Variants in PPM1E observed in about 807,000 individuals in gnomAD.
The protein encoded by PPM1E is protein phosphatase 1E.
Under a neutral mutation model 65.9 loss-of-function variants are expected in PPM1E, and 20 were observed. That is an observed-to-expected ratio of 0.30 (90% CI 0.21 to 0.44). The LOEUF (loss-of-function observed/expected upper bound fraction) is 0.44. PPM1E is among the 20% of genes least tolerant of loss of function. The probability of loss-of-function intolerance (pLI) is 1.00; values close to 1 mark genes in which losing one functional copy is unlikely to be tolerated. For synonymous variants in PPM1E, 352 were observed against 374.9 expected (o/e 0.94, Z 0.70); for missense variants, 713 against 953.1 (o/e 0.75, Z 3.32).
chr17:58,950,888 C>T (rs1049465967), intron 1 of PPM1E, among the ~76,000 whole-genome samples: 15 of 151,294 alleles, frequency 9.9e-5, no homozygotes, highest in Non-Finnish European at 1.9e-4. Context: ...ACGCCATTCT[C>T]CTGCCTCAGC....
chr17:58,940,501 T>G (rs1343770384), intron 1 of PPM1E, among the ~76,000 whole-genome samples: 1 of 152,152 alleles, frequency 6.6e-6, no homozygotes, highest in Non-Finnish European at 1.5e-5. Context: ...TGACAAAAGG[T>G]AAAAAAATTA....
intron 3 of PPM1E, chr17:58,966,506 G>A (rs1170565873): frequency 5.4e-6 from 1 of 185,994 alleles, no homozygotes; most frequent in Non-Finnish European, 1.1e-5. Flanking sequence ...TGTTGCTGAA[G>A]CAACACAAAC....
intron 1 of PPM1E, among the ~76,000 whole-genome samples, chr17:58,770,857 TTTC>T (rs1260337281): frequency 3.3e-5 from 5 of 151,486 alleles, no homozygotes; most frequent in African/African-American, 1.2e-4. Flanking sequence ...TACTGTAACT[TTTC>T]TTTTTTTTTT....
chr17:58,828,765 A>G (rs1390024826), intron 1 of PPM1E, among the ~76,000 whole-genome samples: 1 of 151,766 alleles, frequency 6.6e-6, no homozygotes, highest in African/African-American at 2.4e-5. Flanking sequence ...TGCCTGGCCT[A>G]TTTTTAGTTC....
At chr17:58,967,784 C>T (rs1294506146) in intron 3 of PPM1E, among the ~76,000 whole-genome samples, 1 of 150,268 alleles carries the variant, frequency 6.7e-6, no homozygotes, top group Non-Finnish European at 1.5e-5. Context: ...GAAATTCTAC[C>T]TGTCAGCATT....
intron 1 of PPM1E, among the ~76,000 whole-genome samples, chr17:58,887,183 G>C (rs867430177): frequency 0.07 from 1,314 of 18,820 alleles, 25 homozygotes; most frequent in African/African-American, 0.22. Context: ...TTTTTTTTTT[G>C]AGATGTAGTC....
chr17:58,979,752 T>C (rs16943331), intron 6 of PPM1E, among the ~76,000 whole-genome samples: 6,163 of 152,286 alleles, frequency 0.04, 255 homozygotes, highest in African/African-American at 0.1. Context: ...TAAGGACTTA[T>C]GCCCAGTAAC....
At chr17:58,941,496 C>T (rs540649641) in intron 1 of PPM1E, among the ~76,000 whole-genome samples, 1 of 150,848 alleles carries the variant, frequency 6.6e-6, no homozygotes, top group African/African-American at 2.4e-5. Context: ...AGATCGAGAC[C>T]ATCCTGGCCA....
At chr17:58,876,842 G>A (rs1276544527) in intron 1 of PPM1E, among the ~76,000 whole-genome samples, 1 of 152,006 alleles carries the variant, frequency 6.6e-6, no homozygotes, top group Non-Finnish European at 1.5e-5. Flanking sequence ...GGAGTGCAGT[G>A]GCGCGATCTC....
In PPM1E at chr17:58,967,169, T is replaced by C. The variant is rs182604700; in HGVS notation, c.783+1276T>C. Among the ~76,000 whole-genome samples the C allele has an allele frequency of 6.6e-5, 10 of 152,324 alleles. No individual in the cohort carries two copies. The East Asian group carries it at 1.7e-3, about 26-fold the overall frequency. ...TTTAAGAGCAATATGGCAACACATA[T>C]GTAGAACCTAATAAATTTTCACACT... is the stretch of plus-strand genomic sequence containing the variant. On this transcript the variant is annotated intron_variant, in intron 3 of 6. Coordinates refer to ENST00000308249, the MANE Select transcript of PPM1E (RefSeq NM_014906.5).
At chr17:58,905,713 A>G (rs971537348) in intron 1 of PPM1E, among the ~76,000 whole-genome samples, 1 of 152,110 alleles carries the variant, frequency 6.6e-6, no homozygotes, top group African/African-American at 2.4e-5. Flanking sequence ...AAGTAATGGT[A>G]GTCTCATAGA....
At chr17:58,887,145 A>G (rs902450479) in intron 1 of PPM1E, among the ~76,000 whole-genome samples, 1 of 150,508 alleles carries the variant, frequency 6.6e-6, no homozygotes, top group Non-Finnish European at 1.5e-5. Context: ...CTCATACCTC[A>G]TAAGTGAGGC....
At chr17:58,770,301 T>C (rs2049924296) in intron 1 of PPM1E, among the ~76,000 whole-genome samples, 1 of 152,138 alleles carries the variant, frequency 6.6e-6, no homozygotes, top group Admixed American at 6.6e-5. Flanking sequence ...AAAACTATCC[T>C]TGACTATCAA....
intron 1 of PPM1E, among the ~76,000 whole-genome samples, chr17:58,937,003 A>G (rs2051990215): frequency 6.6e-6 from 1 of 152,014 alleles, no homozygotes; most frequent in South Asian, 2.1e-4. Context: ...ATGGAATAAT[A>G]AGCTCTTGTA....
intron 3 of PPM1E, 64 bp from the exon 4 acceptor site, chr17:58,969,465 TGATGCCAGGA>T: frequency 2.1e-6 from 3 of 1,424,554 alleles, no homozygotes; most frequent in Non-Finnish European, 2.0e-6. Flanking sequence ...TGGGCAACAA[TGATGCCAGGA>T]GATTGGTTCA....
At chr17:58,762,328 G>A (rs304298) in intron 1 of PPM1E, among the ~76,000 whole-genome samples, 45,149 of 151,666 alleles carry the variant, frequency 0.3, 7,190 homozygotes, top group Middle Eastern at 0.48. Context: ...GCAAGGCCCC[G>A]TCTCTACAAA....
chr17:58,861,233 C>T (rs1011394290), intron 1 of PPM1E, among the ~76,000 whole-genome samples: 1 of 152,072 alleles, frequency 6.6e-6, no homozygotes, highest in African/African-American at 2.4e-5. Flanking sequence ...TGTCTTGAGC[C>T]CATTGCAAGA....
chr17:58,819,444 C>T (rs890925819), intron 1 of PPM1E, among the ~76,000 whole-genome samples: 2 of 152,118 alleles, frequency 1.3e-5, no homozygotes, highest in African/African-American at 4.8e-5. Context: ...CCACTGTGGC[C>T]GGCCCGCCAT....
intron 1 of PPM1E, among the ~76,000 whole-genome samples, chr17:58,785,859 C>T (rs993077667): frequency 6.6e-6 from 1 of 152,028 alleles, no homozygotes; most frequent in African/African-American, 2.4e-5. Context: ...GTGGCTATAA[C>T]TTTTGCAGTT....
Sources: gnomAD v4.1 joint callset for allele counts (sites outside exome capture counted in the v4.1 genomes callset) on GRCh38, gnomAD v4.1.1 for gene constraint, MANE v1.5 for transcripts, NCBI Gene and HGNC (gene_info 2026-07-23, HGNC 2026-07-21) for gene names.